CHEK2: variants seen among roughly 807,000 people sequenced by gnomAD.
CHEK2 encodes the protein checkpoint kinase 2.
Under a neutral mutation model 69.1 loss-of-function variants are expected in CHEK2, and 71 were observed. The ratio of observed to expected loss-of-function variants is 1.03; its 90% CI spans 0.85 to 1.25. The LOEUF is 1.25. Among genes scored for constraint, CHEK2 ranks in the 50% most tolerant of loss-of-function variants. CHEK2 has a pLI of 0.00. For synonymous variants in CHEK2, 189 were observed against 226.9 expected, an observed-to-expected ratio of 0.83 and a Z score of 1.50; for missense variants, 664 against 649.6, an observed-to-expected ratio of 1.02 and a Z score of -0.24.
At chr22:28,718,883 A>AACACACACAC (rs144577000) in intron 5 of CHEK2, among the ~76,000 whole-genome samples, 186 of 140,538 alleles carry the variant, frequency 1.3e-3, no homozygotes, top group East Asian at 3.2e-3. Flanking sequence ...CTCTGACACT[A>AACACACACAC]ACACACACAC....
intron 7 of CHEK2, among the ~76,000 whole-genome samples, chr22:28,705,307 G>A (rs2053074472): frequency 6.6e-6 from 1 of 151,764 alleles, no homozygotes. Flanking sequence ...TTGAACTCCT[G>A]ACCTCGTGAT....
chr22:28,729,856 TCTC>T (rs2146105637), intron 2 of CHEK2, among the ~76,000 whole-genome samples: 1 of 152,114 alleles, frequency 6.6e-6, no homozygotes, highest in Admixed American at 6.6e-5. Flanking sequence ...CTTAAGCACT[TCTC>T]CTGCCATAGG....
intron 13 of CHEK2, among the ~76,000 whole-genome samples, chr22:28,692,452 C>T (rs2052401509): frequency 6.8e-6 from 1 of 146,776 alleles, no homozygotes; most frequent in East Asian, 2.0e-4. Flanking sequence ...GGGCAACATC[C>T]AAACACATAT....
chr22:28,738,907 C>A (rs2054486766), intron 1 of CHEK2, among the ~76,000 whole-genome samples: 2 of 152,172 alleles, frequency 1.3e-5, no homozygotes, highest in African/African-American at 2.4e-5. Context: ...AGCCATCTGA[C>A]AAGGGATGAA....
At chr22:28,738,410 C>T (rs904750687) in intron 1 of CHEK2, among the ~76,000 whole-genome samples, 3 of 152,202 alleles carry the variant, frequency 2.0e-5, no homozygotes, top group African/African-American at 7.2e-5. Flanking sequence ...TAGAGGCAAG[C>T]GGATCTGGAG....
intron 1 of CHEK2, among the ~76,000 whole-genome samples, chr22:28,737,582 G>T (rs1018996809): frequency 6.7e-6 from 1 of 150,286 alleles, no homozygotes; most frequent in Non-Finnish European, 1.5e-5. Flanking sequence ...CAATTCTCCT[G>T]CTTCAGCCTT....
chr22:28,713,399 G>A (rs759919702), intron 5 of CHEK2, among the ~76,000 whole-genome samples: 51 of 147,456 alleles, frequency 3.5e-4, no homozygotes, highest in Non-Finnish European at 5.8e-4. Flanking sequence ...TCGCTCAGTC[G>A]CCCAGGCTGG....
chr22:28,706,716 C>T lies in CHEK2; in HGVS notation c.847-3150G>A, dbSNP rs1418119450. 3.3e-5 allele frequency among the ~76,000 whole-genome samples: 5 copies of T among 152,214 alleles called. No homozygotes were observed. The South Asian group carries it at 6.2e-4, about 19-fold the overall frequency. ...GGCAGATCACCTGAGGTCAGGAGTT[C>T]GAGACCAGCCTGGCCAACATGGCAA... On this transcript the variant is annotated intron_variant, in intron 7 of 14. Transcript: ENST00000404276.
chr22:28,693,734 C>G (rs557831815), intron 13 of CHEK2, among the ~76,000 whole-genome samples: 2 of 152,288 alleles, frequency 1.3e-5, no homozygotes, highest in Non-Finnish European at 2.9e-5. Context: ...CAGCATGCAC[C>G]TGTAATCCCA....
chr22:28,695,368 T>A (rs17887238), intron 11 of CHEK2, 126 bp from the exon 12 acceptor site: 1 of 702,522 alleles, frequency 1.4e-6, no homozygotes, highest in Non-Finnish European at 2.6e-6. Flanking sequence ...GGTCAAAAAG[T>A]GAGCTAGGCT....
chr22:28,715,526 T>C (rs1158789628), intron 5 of CHEK2, among the ~76,000 whole-genome samples: 1 of 151,786 alleles, frequency 6.6e-6, no homozygotes, highest in Non-Finnish European at 1.5e-5. Context: ...TTCAATCGAT[T>C]CTCTTGCCTC....
chr22:28,696,343 CAG>C (rs1188408705), intron 10 of CHEK2, among the ~76,000 whole-genome samples: 3 of 152,148 alleles, frequency 2.0e-5, no homozygotes, highest in Non-Finnish European at 2.9e-5. Flanking sequence ...ACTTGAGAAA[CAG>C]GGAAAGGCAG....
chr22:28,697,722 A>C (rs1396666236), intron 9 of CHEK2, among the ~76,000 whole-genome samples: 2 of 152,060 alleles, frequency 1.3e-5, no homozygotes, highest in Non-Finnish European at 2.9e-5. Flanking sequence ...GGCACAAAGC[A>C]TGCCACTTCA....
At chr22:28,703,038 G>A (rs1012892529) in intron 8 of CHEK2, among the ~76,000 whole-genome samples, 3 of 152,196 alleles carry the variant, frequency 2.0e-5, no homozygotes, top group African/African-American at 7.2e-5. Context: ...ATACACGGAT[G>A]TAAAAACCCA....
chr22:28,725,962 T>A (rs1157376129), intron 2 of CHEK2, among the ~76,000 whole-genome samples: 1 of 149,358 alleles, frequency 6.7e-6, no homozygotes, highest in African/African-American at 2.5e-5. Flanking sequence ...CCCAGCACTT[T>A]GGGAGGCTGA....
chr22:28,730,540 ACT>A (rs1569165660), intron 2 of CHEK2: 1 of 696,114 alleles, frequency 1.4e-6, no homozygotes, highest in Middle Eastern at 2.3e-4. Flanking sequence ...ACATGGCCAG[ACT>A]CTGTCTCTAC....
rs116954642 is a variant in CHEK2, at chr22:28,728,787, T to G, written c.320-3420A>C. ...AAGTGCAGTCCCAGATTGCCTCACTTTAGCTTGAGCAACATAGGGACACCC... is the reference window on the plus strand; with the variant it reads ...AAGTGCAGTCCCAGATTGCCTCACTGTAGCTTGAGCAACATAGGGACACCC... On this transcript the variant is annotated intron_variant, in intron 2 of 14. Transcript: ENST00000404276. Among the ~76,000 whole-genome samples the G allele has an allele frequency of 1.4e-3, 217 of 152,200 alleles. 1 individual carries two copies. The East Asian group carries it at 0.038, about 27-fold the overall frequency.
In CHEK2 at chr22:28,734,965, G is replaced by A. The variant is rs186425754; in HGVS notation, c.-6-238C>T. ...TTTATCTGACAGCCATAAACTACAG[G>A]GAAAAACAAATTATCTGAAGGTTAC... On this transcript the variant is annotated intron_variant, in intron 1 of 14. Transcript: ENST00000404276. 1.4e-3 allele frequency among the ~76,000 whole-genome samples: 211 copies of A among 151,984 alleles called. 1 individual carries two copies. Among genetic ancestry groups the A allele is most frequent in the African/African-American group, 4.8e-3 (197 of 41,446 alleles).
At chr22:28,699,362 C>CTTTTTTT (rs67508991) in intron 9 of CHEK2, among the ~76,000 whole-genome samples, 837 of 77,980 alleles carry the variant, frequency 0.011, 2 homozygotes, top group East Asian at 0.016. Flanking sequence ...AGAGCTTTTT[C>CTTTTTTT]TTTTTTTTTT....
Sources: gnomAD v4.1 joint callset for allele counts (sites outside exome capture counted in the v4.1 genomes callset) on GRCh38, gnomAD v4.1.1 for gene constraint, MANE v1.5 for transcripts, NCBI Gene and HGNC (gene_info 2026-07-23, HGNC 2026-07-21) for gene names.